FNDC3B: variants seen among roughly 807,000 people sequenced by gnomAD.
FNDC3B encodes fibronectin type III domain containing 3B.
FNDC3B carries 12 observed loss-of-function variants against 151.5 expected under a neutral mutation model. The observed-to-expected ratio is 0.08, with a 90% CI of 0.05 to 0.13. FNDC3B has a LOEUF of 0.13. Among genes scored for constraint, FNDC3B ranks in the 10% least tolerant of loss-of-function variants. The pLI is 1.00. For missense variants in FNDC3B, 1,214 were observed against 1,505.3 expected (o/e 0.81, Z 3.20); for synonymous variants, 528 against 549.0 (o/e 0.96, Z 0.54).
rs1277478138 is a variant in FNDC3B at position 172,347,328 on chromosome 3, G to A, written c.2481G>A (p.Leu827=). Residue 827 remains leucine, a synonymous_variant, in exon 21 of 26, where the codon CTG becomes CTA. Coordinates refer to ENST00000415807, the MANE Select transcript of FNDC3B (RefSeq NM_022763.4). ...ACACCCGTTTTGAAATAAGAGACCT[G>A]TTGCCTGCTGCACAGTATTGCTGTA... The part of the protein sequence containing the change: ...GTDTRFEIRD[L]LPAAQYCCRL... 1 of 1,614,056 alleles carries A rather than the reference G, an allele frequency of 6.2e-7. No homozygotes were observed. Among genetic ancestry groups the A allele is most frequent in the Admixed American group, 1.7e-5 (1 of 60,022 alleles).
intron 3 of FNDC3B, among the ~76,000 whole-genome samples, chr3:172,148,917 G>A (rs1291016964): frequency 6.6e-6 from 1 of 152,210 alleles, no homozygotes; most frequent in Non-Finnish European, 1.5e-5. Context: ...AGAACAACAG[G>A]TGCATTCTAC....
rs1195281476 is a variant in FNDC3B, at chr3:172,239,853, G to GTTTTTTTTTT, written c.265-7678_265-7677insTTTTTTTTTT. ...AAATGTTTTTAGGAGATCCATTTTA[G>GTTTTTTTTTT]TTCTTTTTTTTTTTTTTTTTTTTTT... is the stretch of plus-strand genomic sequence containing the variant. On this transcript the variant is annotated intron_variant, in intron 4 of 25. Transcript: ENST00000415807. Among the ~76,000 whole-genome samples the GTTTTTTTTTT allele has an allele frequency of 4.7e-4, 31 of 65,868 alleles. 1 individual carries two copies. The highest frequency in any genetic ancestry group is 1.7e-3 in the African/African-American group (30 of 17,684). 43.2% of individuals were successfully genotyped at this position (65,868 alleles called of 152,430 possible).
intron 1 of FNDC3B, among the ~76,000 whole-genome samples, chr3:172,100,257 G>A (rs1456181): frequency 0.66 from 100,797 of 152,112 alleles, 33,614 homozygotes; most frequent in East Asian, 0.78. Context: ...TTTCTTAAAT[G>A]AATGGATGTA....
At chr3:172,380,341 A>C (rs1202596721) in intron 24 of FNDC3B, among the ~76,000 whole-genome samples, 1 of 152,008 alleles carries the variant, frequency 6.6e-6, no homozygotes, top group Non-Finnish European at 1.5e-5. Context: ...TTAAATGAGA[A>C]TGAGGAGTTC....
At chr3:172,344,635 G>T (rs1207557998) in intron 19 of FNDC3B, among the ~76,000 whole-genome samples, 1 of 152,218 alleles carries the variant, frequency 6.6e-6, no homozygotes, top group Non-Finnish European at 1.5e-5. Flanking sequence ...TTGTCTAAAT[G>T]AACCAGCAAC....
chr3:172,230,608 G>A (rs191452153), intron 4 of FNDC3B, among the ~76,000 whole-genome samples: 67 of 152,126 alleles, frequency 4.4e-4, no homozygotes, highest in African/African-American at 1.4e-3. Flanking sequence ...AATCTGGAAC[G>A]TATAAAAAAC....
chr3:172,113,316 T>G (rs186389138), intron 2 of FNDC3B, among the ~76,000 whole-genome samples: 1 of 152,354 alleles, frequency 6.6e-6, no homozygotes, highest in East Asian at 1.9e-4. Context: ...AAAAGTAGAA[T>G]TGGGAGCAAT....
At chr3:172,168,719 CTTT>C (rs775314296) in intron 3 of FNDC3B, among the ~76,000 whole-genome samples, 4 of 133,180 alleles carry the variant, frequency 3.0e-5, no homozygotes, top group Admixed American at 1.6e-4. Context: ...TTTTCTTTTA[CTTT>C]TTTTTTTTTT....
intron 25 of FNDC3B, among the ~76,000 whole-genome samples, chr3:172,386,759 GAAAAA>G (rs1233563821): frequency 5.6e-5 from 6 of 106,368 alleles, no homozygotes; most frequent in Non-Finnish European, 8.1e-5. Flanking sequence ...AAAAAAAAAA[GAAAAA>G]AAAAAAAAAA....
chr3:172,174,645 A>C (rs2108640741), intron 3 of FNDC3B, among the ~76,000 whole-genome samples: 1 of 152,328 alleles, frequency 6.6e-6, no homozygotes, highest in South Asian at 2.1e-4. Context: ...AGTCTTGAGA[A>C]GTGGAATCGA....
intron 16 of FNDC3B, among the ~76,000 whole-genome samples, chr3:172,340,483 G>A (rs1178602407): frequency 2.0e-5 from 3 of 151,866 alleles, no homozygotes; most frequent in Non-Finnish European, 2.9e-5. Flanking sequence ...ACAAGGTTTC[G>A]CCAGGTTGGC....
At chr3:172,050,730 TGTG>T (rs763422864) in intron 1 of FNDC3B, among the ~76,000 whole-genome samples, 13 of 150,348 alleles carry the variant, frequency 8.6e-5, no homozygotes, top group Admixed American at 3.3e-4. Context: ...TGTGTGTGTG[TGTG>T]TATAGTGTGT....
chr3:172,285,891 G>C, intron 6 of FNDC3B, 35 bp from the exon 7 acceptor site: 4 of 1,553,958 alleles, frequency 2.6e-6, no homozygotes, highest in Non-Finnish European at 2.7e-6. Context: ...CCTTCTAATG[G>C]TATTGTTTTT....
intron 11 of FNDC3B, among the ~76,000 whole-genome samples, chr3:172,328,007 G>A (rs1732446163): frequency 6.6e-6 from 1 of 152,208 alleles, no homozygotes; most frequent in South Asian, 2.1e-4. Flanking sequence ...AGATAATGTG[G>A]ATATGGGTAG....
chr3:172,051,144 C>T (rs1289888383), intron 1 of FNDC3B, among the ~76,000 whole-genome samples: 2 of 147,522 alleles, frequency 1.4e-5, no homozygotes, highest in Non-Finnish European at 3.0e-5. Context: ...AGTGCAATGG[C>T]GCGATCTCGG....
rs762528973 is a variant in FNDC3B, at chr3:172,397,291, C to T, written c.3431C>T (p.Pro1144Leu). Residue 1144 changes from proline to leucine, a missense_variant, in exon 26 of 26, where the codon CCC becomes CTC. This residue lies in a region of FNDC3B where 284 missense variants were observed against 392.4 expected (regional missense o/e 0.72). Coordinates refer to ENST00000415807, the MANE Select transcript of FNDC3B (RefSeq NM_022763.4). ...CAGGAGCTAAGCGGAGCCTTCAGCC[C>T]CTCTGCGGCTTTTGTATTACAACGA... ...TSQELSGAFS[P>L]SAAFVLQRSE... 2 of 1,614,166 alleles carry T rather than the reference C, an allele frequency of 1.2e-6. No individual in the cohort carries two copies. Among genetic ancestry groups the T allele is most frequent in the South Asian group, 2.2e-5 (2 of 91,082 alleles).
At chr3:172,375,972 C>G (rs1159020428) in intron 23 of FNDC3B, among the ~76,000 whole-genome samples, 4 of 152,196 alleles carry the variant, frequency 2.6e-5, no homozygotes, top group Non-Finnish European at 5.9e-5. Context: ...CCTCCAGAGT[C>G]TTCAAGGTCA....
rs114533299 is a variant in FNDC3B at position 172,313,477 on chromosome 3, C to T, written c.1254+2596C>T. 8.6e-3 allele frequency among the ~76,000 whole-genome samples: 1,307 copies of T among 152,298 alleles called. 25 individuals carry two copies. Among genetic ancestry groups the T allele is most frequent in the African/African-American group, 0.03 (1,240 of 41,546 alleles). ...AACAGATTATTTAGGATTGTCTCTT[C>T]TGACAAGAGAATATTTGGAATCATT... On this transcript the variant is annotated intron_variant, in intron 11 of 25. Coordinates refer to ENST00000415807, the MANE Select transcript of FNDC3B (RefSeq NM_022763.4).
At chr3:172,156,208 A>C (rs1722477035) in intron 3 of FNDC3B, among the ~76,000 whole-genome samples, 1 of 152,210 alleles carries the variant, frequency 6.6e-6, no homozygotes, top group Admixed American at 6.5e-5. Context: ...TTATTAAAAA[A>C]AGTTTTTATT....
Sources: gnomAD v4.1 joint callset for allele counts (sites outside exome capture counted in the v4.1 genomes callset) on GRCh38, gnomAD v4.1.1 for gene constraint, gnomAD v4.1.1 regional missense constraint, MANE v1.5 for transcripts, NCBI Gene and HGNC (gene_info 2026-07-23, HGNC 2026-07-21) for gene names.